Variants in COL5A1 observed in about 807,000 individuals in gnomAD.
COL5A1 encodes the protein collagen type V alpha 1 chain, also known as collagen alpha-1(V) chain.
In COL5A1, 16 loss-of-function variants were observed where a neutral mutation model predicts 263.7. The ratio of observed to expected loss-of-function variants is 0.06; its 90% confidence interval spans 0.04 to 0.09. The LOEUF is 0.09. Among genes scored for constraint, COL5A1 ranks in the 10% least tolerant of loss-of-function variants. The probability of loss-of-function intolerance (pLI) is 1.00; values close to 1 mark genes in which losing one functional copy is unlikely to be tolerated. For missense variants in COL5A1, 2,036 were observed against 2,540.5 expected (o/e 0.80, Z 4.27); for synonymous variants, 1,012 against 1,004.5 (o/e 1.01, Z -0.14).
Position 134,757,530 on chromosome 9 carries a change from G to A in COL5A1, c.1881+712G>A, listed in dbSNP as rs73664132. ...TCAACTACACCTGTTCCCTCTTAAC[G>A]GGCGTGGATGAGCTCTGAAGTGCAT... On this transcript the variant is annotated intron_variant, in intron 17 of 65. Coordinates refer to ENST00000371817, the MANE Select transcript of COL5A1 (RefSeq NM_000093.5). The surrounding 1 kb of genome is among the most constrained non-coding windows in gnomAD (Gnocchi z 6.2). Among the ~76,000 whole-genome samples the A allele has an allele frequency of 8.4e-3, 1,286 of 152,244 alleles. 21 individuals carry two copies. The highest frequency in any genetic ancestry group is 0.03 in the African/African-American group (1,234 of 41,538).
chr9:134,777,143 G>A (rs544198809), intron 27 of COL5A1, among the ~76,000 whole-genome samples: 1 of 152,348 alleles, frequency 6.6e-6, no homozygotes, highest in South Asian at 2.1e-4. Context: ...GTCTGAAGGG[G>A]CACCTGTTTA....
chr9:134,774,576 G>C (rs568293889), intron 26 of COL5A1, among the ~76,000 whole-genome samples: 14 of 152,326 alleles, frequency 9.2e-5, no homozygotes, highest in African/African-American at 3.4e-4. Flanking sequence ...CCGTCTCACT[G>C]TTCCCCCAGC....
chr9:134,833,180 G>A (rs1219077519), intron 64 of COL5A1, among the ~76,000 whole-genome samples: 1 of 152,266 alleles, frequency 6.6e-6, no homozygotes, highest in Admixed American at 6.5e-5. Flanking sequence ...CCTAGGCCAG[G>A]AGAGATGTGT....
chr9:134,664,662 A>C (rs1257410170), intron 1 of COL5A1, among the ~76,000 whole-genome samples: 1 of 152,268 alleles, frequency 6.6e-6, no homozygotes, highest in Non-Finnish European at 1.5e-5. Flanking sequence ...AGATGGACAG[A>C]GAACAGAAGC....
At chr9:134,666,485 A>G (rs1443342964) in intron 1 of COL5A1, among the ~76,000 whole-genome samples, 1 of 152,210 alleles carries the variant, frequency 6.6e-6, no homozygotes, top group Non-Finnish European at 1.5e-5. Flanking sequence ...GTCAGTGGGC[A>G]TGAGCAGGCT....
Position 134,820,151 on chromosome 9 carries a change from G to A in COL5A1, c.4482G>A (p.Pro1494=), listed in dbSNP as rs2228560. 0.048 allele frequency: 78,050 copies of A among 1,613,790 alleles called. 2,116 individuals carry two copies. Among genetic ancestry groups the A allele is most frequent in the Non-Finnish European group, 0.055 (65,037 of 1,179,886 alleles). The stretch of plus-strand genomic sequence containing the variant: ...GCCTGATCGGGCTCATCGGTCCTCC[G>A]GGTGAACAGGGTGAGAAGGGCGACC... The part of the protein sequence containing the change: ...HPGLIGLIGP[P]GEQGEKGDRG... The change falls in exon 58 of 66, where the codon CCG becomes CCA. Residue 1494 remains proline, a synonymous_variant. Coordinates refer to ENST00000371817, the MANE Select transcript of COL5A1 (RefSeq NM_000093.5).
At chr9:134,823,591 G>A (rs868477676) in intron 61 of COL5A1, 122 bp downstream of exon 61, 11 of 1,071,760 alleles carry the variant, frequency 1.0e-5, no homozygotes, top group African/African-American at 4.7e-5. Flanking sequence ...TGGCATGCCC[G>A]GGCCTTGTCC....
chr9:134,748,228 C>T (rs750641508), intron 11 of COL5A1, among the ~76,000 whole-genome samples: 7 of 151,988 alleles, frequency 4.6e-5, no homozygotes, highest in Non-Finnish European at 5.9e-5. Context: ...TTCATATGCA[C>T]ACCCACACAC....
chr9:134,746,331 CA>C (rs1313915790), intron 11 of COL5A1, among the ~76,000 whole-genome samples: 17 of 152,344 alleles, frequency 1.1e-4, no homozygotes, highest in African/African-American at 3.8e-4. Flanking sequence ...AGCTTTTCAA[CA>C]CAAAGCCTCC....
intron 25 of COL5A1, among the ~76,000 whole-genome samples, chr9:134,770,204 A>T (rs996799643): frequency 6.6e-6 from 1 of 152,254 alleles, no homozygotes; most frequent in African/African-American, 2.4e-5. Context: ...AAGGCAGCAC[A>T]TTGAGGGTAA....
At chr9:134,814,927 A>AGGGGCCCTGCAGCAGGGGC (rs1309493518) in intron 50 of COL5A1, 23 bp downstream of exon 50, 11 of 1,518,088 alleles carry the variant, frequency 7.2e-6, no homozygotes, top group Non-Finnish European at 9.8e-6. Context: ...GACACACCTC[A>AGGGGCCCTGCAGCAGGGGC]GGGGCCCTGC....
At chr9:134,809,131 G>A in intron 42 of COL5A1, 52 bp from the exon 43 acceptor site, 7 of 1,427,594 alleles carry the variant, frequency 4.9e-6, no homozygotes, top group Non-Finnish European at 6.8e-6. Flanking sequence ...CTGGTGGGGG[G>A]ATGTTCCCAG....
intron 64 of COL5A1, among the ~76,000 whole-genome samples, chr9:134,831,241 C>T (rs1229726012): frequency 6.6e-6 from 1 of 152,358 alleles, no homozygotes; most frequent in South Asian, 2.1e-4. Context: ...AACCTGAAGG[C>T]ATTCACAGCT....
intron 1 of COL5A1, among the ~76,000 whole-genome samples, chr9:134,646,914 C>A (rs1157331544): frequency 6.6e-6 from 1 of 152,198 alleles, no homozygotes; most frequent in African/African-American, 2.4e-5. Flanking sequence ...CAAGTCACTG[C>A]ACCTCAGCTT....
intron 11 of COL5A1, among the ~76,000 whole-genome samples, chr9:134,743,607 G>A (rs1243843290): frequency 6.6e-6 from 1 of 152,136 alleles, no homozygotes; most frequent in Non-Finnish European, 1.5e-5. Context: ...TGCCACACAG[G>A]GGCACCTCGC....
intron 1 of COL5A1, among the ~76,000 whole-genome samples, chr9:134,650,336 C>T (rs574182719): frequency 5.3e-5 from 8 of 152,066 alleles, no homozygotes; most frequent in Middle Eastern, 6.8e-3. Context: ...ATTCTGCTGG[C>T]GGGTGGCCTG....
At chr9:134,704,943 A>C (rs1833790267) in intron 4 of COL5A1, among the ~76,000 whole-genome samples, 1 of 152,176 alleles carries the variant, frequency 6.6e-6, no homozygotes, top group East Asian at 1.9e-4. Flanking sequence ...CGGGCTCTGC[A>C]TAACGACACC....
chr9:134,773,933 G>A (rs970015707), intron 26 of COL5A1, among the ~76,000 whole-genome samples: 3 of 152,144 alleles, frequency 2.0e-5, no homozygotes, highest in Non-Finnish European at 4.4e-5. Flanking sequence ...CCCAGTTCCC[G>A]CTGCCTCCAG....
intron 9 of COL5A1, among the ~76,000 whole-genome samples, chr9:134,737,342 T>C (rs954726725): frequency 1.3e-5 from 2 of 152,176 alleles, no homozygotes; most frequent in Non-Finnish European, 2.9e-5. Context: ...GCTGGAGCCT[T>C]GGCTGGGCGG....
Sources: allele counts gnomAD v4.1 joint callset (sites outside exome capture counted in the v4.1 genomes callset), GRCh38; gene constraint gnomAD v4.1.1; non-coding constraint Gnocchi (gnomAD v3.1); transcripts MANE v1.5; gene names NCBI Gene and HGNC (gene_info 2026-07-23, HGNC 2026-07-21).